DNAH17: variants seen among roughly 807,000 people sequenced by gnomAD.
DNAH17 encodes dynein axonemal heavy chain 17.
DNAH17 carries 376 observed loss-of-function variants against 485.6 expected under a neutral mutation model. The ratio of observed to expected loss-of-function variants is 0.77; its 90% CI spans 0.71 to 0.84. The LOEUF is 0.84. DNAH17 is among the 40% of genes least tolerant of loss of function. DNAH17 has a pLI of 0.00. For synonymous variants in DNAH17, 3,031 were observed against 2,405.9 expected, an observed-to-expected ratio of 1.26 and a Z score of -7.60; for missense variants, 6,370 against 5,839.3, an observed-to-expected ratio of 1.09 and a Z score of -2.96.
intron 48 of DNAH17, among the ~76,000 whole-genome samples, chr17:78,483,713 C>T (rs1568128411): frequency 2.0e-5 from 3 of 152,154 alleles, no homozygotes; most frequent in Non-Finnish European, 4.4e-5. Flanking sequence ...CCTAACCCCC[C>T]ATGCCTGCCT....
At chr17:78,456,136 T>C (rs2087788117) in intron 62 of DNAH17, among the ~76,000 whole-genome samples, 1 of 151,774 alleles carries the variant, frequency 6.6e-6, no homozygotes, top group Non-Finnish European at 1.5e-5. Context: ...CCGTCTCTAC[T>C]AAAAATACAA....
intron 44 of DNAH17, among the ~76,000 whole-genome samples, chr17:78,487,359 T>G (rs920625413): frequency 1.2e-4 from 19 of 152,304 alleles, no homozygotes; most frequent in African/African-American, 4.3e-4. Flanking sequence ...CCAGGGTAAG[T>G]GTTGCCAAAT....
In DNAH17 at chr17:78,445,570, C is replaced by T; in HGVS notation, c.11322G>A (p.Trp3774Ter). The T allele has an allele frequency of 6.4e-7, 1 of 1,561,824 alleles. No individual in the cohort carries two copies. The highest frequency in any genetic ancestry group is 1.2e-5 in the South Asian group (1 of 84,786). The part of the protein sequence containing the change: ...SPVDFLQHQG[W>*]GGIKALSEMD... ...TCTAAAGACGAACCTTGATCCCGCC[C>T]CAGCCTTGATGCTGGAGGAAGTCCA... is the stretch of plus-strand genomic sequence containing the variant. The change falls in exon 70 of 81, where the codon TGG becomes TGA. Residue 3774 changes from tryptophan (W) to a stop codon, truncating the protein, a stop_gained. Transcript: ENST00000389840. LOFTEE classifies it high-confidence loss of function.
chr17:78,494,411 C>T (rs1287615161), intron 40 of DNAH17, among the ~76,000 whole-genome samples, 182 bp downstream of exon 40: 1 of 152,094 alleles, frequency 6.6e-6, no homozygotes, highest in Non-Finnish European at 1.5e-5. Context: ...AGAGTGACCT[C>T]CCCCAGCACT....
chr17:78,500,072 AGGGGCT>A (rs1361244488), intron 36 of DNAH17: 15 of 494,786 alleles, frequency 3.0e-5, no homozygotes, highest in Non-Finnish European at 3.9e-5. Context: ...CCTCCAGGGC[AGGGGCT>A]GGGGCAGGAC....
chr17:78,511,922 C>T (rs909964130), intron 26 of DNAH17, among the ~76,000 whole-genome samples: 4 of 152,230 alleles, frequency 2.6e-5, no homozygotes, highest in Non-Finnish European at 4.4e-5. Context: ...TCGAAAGGCA[C>T]CCCCAGGGGC....
chr17:78,537,430 G>A lies in DNAH17; in HGVS notation c.2728C>T (p.Leu910=). The A allele has an allele frequency of 6.2e-7, 1 of 1,613,432 alleles. No individual in the cohort carries two copies. The highest frequency in any genetic ancestry group is 8.5e-7 in the Non-Finnish European group (1 of 1,179,856). ...EIRMELDEDG[L]TFNPTLEVGS... is the part of the protein sequence containing the mutation. Reference sequence around the variant, plus strand: ...ACCTCCAGGGTCGGGTTGAAGGTCAGCCCATCCTCGTCCAGCTCCATGCGG... The same window carrying A: ...ACCTCCAGGGTCGGGTTGAAGGTCAACCCATCCTCGTCCAGCTCCATGCGG... Residue 910 remains leucine, a synonymous_variant, in exon 19 of 81, where the codon CTG becomes TTG. Coordinates refer to ENST00000389840, the MANE Select transcript of DNAH17 (RefSeq NM_173628.4).
chr17:78,502,824 G>T, intron 32 of DNAH17, 62 bp downstream of exon 32: 1 of 1,593,492 alleles, frequency 6.3e-7, no homozygotes, highest in Admixed American at 1.8e-5. Context: ...GCCCATGAAC[G>T]CAAAGAAACT....
At chr17:78,542,749 T>C (rs1199126361) in intron 17 of DNAH17, among the ~76,000 whole-genome samples, 1 of 152,142 alleles carries the variant, frequency 6.6e-6, no homozygotes, top group African/African-American at 2.4e-5. Flanking sequence ...GCATCCTAGG[T>C]AGCAAAGCAG....
chr17:78,443,904 G>A (rs1302731889), intron 71 of DNAH17, among the ~76,000 whole-genome samples: 1 of 152,148 alleles, frequency 6.6e-6, no homozygotes, highest in Non-Finnish European at 1.5e-5. Context: ...CAGGCTACTT[G>A]GAGAAATGAA....
At chr17:78,487,653 T>C (rs1260699115) in intron 44 of DNAH17, among the ~76,000 whole-genome samples, 1 of 152,170 alleles carries the variant, frequency 6.6e-6, no homozygotes, top group Non-Finnish European at 1.5e-5. Context: ...GCCTTCCAAG[T>C]AGCTGGGATC....
intron 1 of DNAH17, among the ~76,000 whole-genome samples, chr17:78,576,479 C>A (rs1254717378): frequency 6.6e-6 from 1 of 152,162 alleles, no homozygotes; most frequent in Non-Finnish European, 1.5e-5. Context: ...CACCACCAGG[C>A]AAGTAGGAGG....
At position 78,463,036 on chromosome 17, in the gene DNAH17, C is replaced by T. The variant is rs764159108; in HGVS notation, c.8982G>A (p.Val2994=). The T allele has an allele frequency of 1.1e-5, 18 of 1,613,800 alleles. No homozygotes were observed. The highest frequency in any genetic ancestry group is 1.6e-4 in the Middle Eastern group (1 of 6,084). Reference sequence around the variant, plus strand: ...TGGACATCTCGTTGACGGTGGTGTGCACGTAGGACATGAAGAAGCTGATGG... The same window carrying T: ...TGGACATCTCGTTGACGGTGGTGTGTACGTAGGACATGAAGAAGCTGATGG... The part of the protein sequence containing the change: ...KASISFFMSY[V]HTTVNEMSRV... Residue 2994 remains valine (V), a synonymous_variant, in exon 57 of 81, where the codon GTG becomes GTA. Transcript: ENST00000389840.
intron 16 of DNAH17, among the ~76,000 whole-genome samples, chr17:78,545,548 A>G (rs778181814): frequency 1.1e-4 from 17 of 152,110 alleles, no homozygotes; most frequent in Non-Finnish European, 2.2e-4. Flanking sequence ...GTCTGTTGCT[A>G]TAAGGGCACG....
At chr17:78,496,175 C>G in intron 37 of DNAH17, 143 bp from the exon 38 acceptor site, 1 of 985,438 alleles carries the variant, frequency 1.0e-6, no homozygotes, top group Non-Finnish European at 1.4e-6. Context: ...TAAATTAAGC[C>G]TTTTATTTTT....
rs2090178875 is a variant in DNAH17, at chr17:78,499,075, C to A, written c.5678G>T (p.Gly1893Val). Residue 1893 changes from glycine to valine, a missense_variant, in exon 37 of 81, where the codon GGA (glycine) becomes GTA (valine). Physicochemically the swap from Gly to Val is moderately radical, Grantham distance 109. Coordinates refer to ENST00000389840, the MANE Select transcript of DNAH17 (RefSeq NM_173628.4). Reference protein sequence around the residue: ...GNIYKGLAQTGAWGCFDEFNR... With the variant: ...GNIYKGLAQTVAWGCFDEFNR... ...AAACTCGTCAAAGCAGCCCCAGGCT[C>A]CCGTCTGGGCCAGGCCCTTGTAGAT... 1.2e-6 allele frequency: 2 copies of A among 1,608,396 alleles called. No homozygotes were observed. Among genetic ancestry groups the A allele is most frequent in the Admixed American group, 1.7e-5 (1 of 59,258 alleles).
chr17:78,524,602 A>G (rs79618932), intron 25 of DNAH17, among the ~76,000 whole-genome samples: 9,236 of 130,876 alleles, frequency 0.071, 384 homozygotes, highest in South Asian at 0.15. Context: ...AGCCTCCAGA[A>G]CGGTGAGGAA....
chr17:78,555,268 A>G (rs2091994531), intron 14 of DNAH17, among the ~76,000 whole-genome samples: 1 of 152,200 alleles, frequency 6.6e-6, no homozygotes, highest in Non-Finnish European at 1.5e-5. Context: ...TGACAAGGAC[A>G]GTGGTCTCTT....
intron 52 of DNAH17, among the ~76,000 whole-genome samples, chr17:78,476,324 C>T (rs989086234): frequency 5.4e-5 from 5 of 92,116 alleles, no homozygotes; most frequent in African/African-American, 1.1e-4. Flanking sequence ...GTGGAACCCT[C>T]GGACCCACAG....
Sources: allele counts gnomAD v4.1 joint callset (sites outside exome capture counted in the v4.1 genomes callset), GRCh38; gene constraint gnomAD v4.1.1; transcripts MANE v1.5; gene names NCBI Gene and HGNC (gene_info 2026-07-23, HGNC 2026-07-21).